ATRNL1: variants seen among roughly 807,000 people sequenced by gnomAD.
ATRNL1 encodes attractin like 1.
Under a neutral mutation model 182.7 loss-of-function variants are expected in ATRNL1, and 95 were observed. That is an observed-to-expected ratio of 0.52 (90% CI 0.44 to 0.62). The LOEUF (loss-of-function observed/expected upper bound fraction) is 0.62. Ranked by LOEUF, ATRNL1 falls within the 20% of genes least tolerant of loss-of-function variation. ATRNL1 has a pLI of 0.00. For missense variants in ATRNL1, 1,471 were observed against 1,679.5 expected (o/e 0.88, Z 2.17); for synonymous variants, 576 against 568.3 (o/e 1.01, Z -0.19).
chr10:115,791,195 C>T (rs1349445168), intron 27 of ATRNL1, among the ~76,000 whole-genome samples: 2 of 152,156 alleles, frequency 1.3e-5, no homozygotes, highest in African/African-American at 4.8e-5. Context: ...TCAGTGAGGC[C>T]TTGCAGAGCC....
chr10:115,151,245 A>G (rs1328911459), intron 5 of ATRNL1, among the ~76,000 whole-genome samples: 17 of 152,008 alleles, frequency 1.1e-4, no homozygotes, highest in South Asian at 2.1e-4. Context: ...CCAGTAATGG[A>G]ATGGCTGGGT....
At chr10:115,791,548 A>C (rs1949532871) in intron 27 of ATRNL1, among the ~76,000 whole-genome samples, 1 of 152,194 alleles carries the variant, frequency 6.6e-6, no homozygotes, top group Non-Finnish European at 1.5e-5. Context: ...TGTGAATAAT[A>C]ATACAGACTT....
intron 26 of ATRNL1, among the ~76,000 whole-genome samples, chr10:115,726,897 ATTTTGAGTAGGAAAATT>A (rs1947615100): frequency 6.8e-6 from 1 of 148,056 alleles, no homozygotes; most frequent in Non-Finnish European, 1.5e-5. Context: ...AATCTGAGTT[ATTTTGAGTAGGAAAATT>A]TGGCATAGCC....
chr10:115,688,002 A>G (rs1217491495), intron 26 of ATRNL1, among the ~76,000 whole-genome samples: 1 of 151,964 alleles, frequency 6.6e-6, no homozygotes, highest in Non-Finnish European at 1.5e-5. Context: ...TCTGGTATCT[A>G]TGGTTCTATT....
chr10:115,856,415 C>T (rs1272103980), intron 28 of ATRNL1, among the ~76,000 whole-genome samples: 6 of 26,888 alleles, frequency 2.2e-4, no homozygotes, highest in Admixed American at 6.2e-4. Flanking sequence ...GCAACAAGAG[C>T]GAAGCTCCAT....
At chr10:115,212,513 T>C (rs1471205559) in intron 8 of ATRNL1, among the ~76,000 whole-genome samples, 1 of 151,910 alleles carries the variant, frequency 6.6e-6, no homozygotes, top group Non-Finnish European at 1.5e-5. Flanking sequence ...TCCAAAGAAA[T>C]ATATTAATAA....
chr10:115,579,847 T>A (rs1854961079), intron 26 of ATRNL1, among the ~76,000 whole-genome samples: 1 of 151,944 alleles, frequency 6.6e-6, no homozygotes, highest in Non-Finnish European at 1.5e-5. Flanking sequence ...TATTGCTAGA[T>A]TTTAATTGCT....
At chr10:115,767,339 C>A (rs1207980066) in intron 27 of ATRNL1, among the ~76,000 whole-genome samples, 1 of 152,074 alleles carries the variant, frequency 6.6e-6, no homozygotes, top group Non-Finnish European at 1.5e-5. Context: ...TCCCAACAGC[C>A]CCATTTTTGT....
intron 17 of ATRNL1, among the ~76,000 whole-genome samples, chr10:115,313,231 T>C (rs1854124251): frequency 6.6e-6 from 1 of 152,102 alleles, no homozygotes; most frequent in South Asian, 2.1e-4. Context: ...AGAATTATTT[T>C]TCTGGTTCCT....
At chr10:115,340,458 TTTCTTTTCTTTTCTTTTC>T (rs1855691893) in intron 19 of ATRNL1, among the ~76,000 whole-genome samples, 1 of 134,222 alleles carries the variant, frequency 7.5e-6, no homozygotes, top group African/African-American at 2.8e-5. Flanking sequence ...TTTCTTTTTT[TTTCTTTTCTTTTCTTTTC>T]TTTTTTTTTT....
chr10:115,612,306 C>A (rs961086488), intron 26 of ATRNL1, among the ~76,000 whole-genome samples: 46 of 151,690 alleles, frequency 3.0e-4, no homozygotes, highest in African/African-American at 1.1e-3. Context: ...TAAAACTGTT[C>A]GTTCAACAAA....
intron 26 of ATRNL1, among the ~76,000 whole-genome samples, chr10:115,616,445 GTA>G (rs1295216844): frequency 2.0e-5 from 3 of 152,170 alleles, no homozygotes; most frequent in Non-Finnish European, 4.4e-5. Context: ...TTTTGGGCAG[GTA>G]GGGGGATTCA....
intron 27 of ATRNL1, among the ~76,000 whole-genome samples, chr10:115,829,036 C>G (rs566753334): frequency 6.6e-6 from 1 of 150,818 alleles, no homozygotes; most frequent in South Asian, 2.1e-4. Flanking sequence ...CATTATTTCA[C>G]AATCACCCTT....
intron 10 of ATRNL1, among the ~76,000 whole-genome samples, chr10:115,263,680 T>A (rs980173122): frequency 2.6e-5 from 4 of 151,830 alleles, no homozygotes; most frequent in African/African-American, 7.2e-5. Context: ...TTATATAATT[T>A]CTTTTGCACC....
At chr10:115,405,788 C>T (rs1375419641) in intron 20 of ATRNL1, among the ~76,000 whole-genome samples, 1 of 151,430 alleles carries the variant, frequency 6.6e-6, no homozygotes, top group Non-Finnish European at 1.5e-5. Flanking sequence ...GTGTGCTGCA[C>T]CCAGTAACTC....
chr10:115,655,033 G>C (rs1056113009), intron 26 of ATRNL1, among the ~76,000 whole-genome samples: 2 of 152,164 alleles, frequency 1.3e-5, no homozygotes, highest in African/African-American at 4.8e-5. Context: ...GGGAAAAGAG[G>C]AGGGAGAGAG....
At chr10:115,729,495 TTGTGTGTGTGTGTGTGTG>T (rs139166434) in intron 27 of ATRNL1, among the ~76,000 whole-genome samples, 1 of 142,098 alleles carries the variant, frequency 7.0e-6, no homozygotes, top group Admixed American at 7.0e-5. Flanking sequence ...CTACCCCATT[TTGTGTGTGTGTGTGTGTG>T]TGTGTGTGTG....
chr10:115,622,814 C>G (rs373600010), intron 26 of ATRNL1, among the ~76,000 whole-genome samples: 7 of 152,024 alleles, frequency 4.6e-5, no homozygotes, highest in East Asian at 3.9e-4. Flanking sequence ...GTAGTCCCAG[C>G]TACGTGGGAG....
intron 28 of ATRNL1, among the ~76,000 whole-genome samples, chr10:115,896,285 A>G (rs1555112520): frequency 6.6e-6 from 1 of 152,236 alleles, no homozygotes; most frequent in Non-Finnish European, 1.5e-5. Context: ...GAAATTGACC[A>G]ATAACCACAA....
Sources: allele counts gnomAD v4.1 joint callset (sites outside exome capture counted in the v4.1 genomes callset), GRCh38; gene constraint gnomAD v4.1.1; transcripts MANE v1.5; gene names NCBI Gene and HGNC (gene_info 2026-07-23, HGNC 2026-07-21).